Variants in NFXL1 observed in about 807,000 individuals in gnomAD.
NFXL1 encodes NF-X1-type zinc finger protein NFXL1.
NFXL1 carries 66 observed loss-of-function variants against 123.3 expected under a neutral mutation model. The observed-to-expected ratio is 0.54, with a 90% CI of 0.44 to 0.66. NFXL1 has a LOEUF of 0.66. Among genes scored for constraint, NFXL1 ranks in the 30% least tolerant of loss-of-function variants. NFXL1 has a pLI of 0.00. For missense variants in NFXL1, 944 were observed against 1,125.6 expected, an observed-to-expected ratio of 0.84 and a Z score of 2.31; for synonymous variants, 346 against 360.8, an observed-to-expected ratio of 0.96 and a Z score of 0.46.
At chr4:47,868,188 G>A (rs778617739) in intron 18 of NFXL1, among the ~76,000 whole-genome samples, 2 of 152,000 alleles carry the variant, frequency 1.3e-5, no homozygotes, top group African/African-American at 2.4e-5. Flanking sequence ...GCGTGGCGGC[G>A]GGCACCTGTA....
chr4:47,878,701 A>C lies in NFXL1; in HGVS notation c.1939-36T>G, dbSNP rs751980969. On this transcript the variant is annotated intron_variant, in intron 16 of 22. Coordinates refer to ENST00000507489, the MANE Select transcript of NFXL1 (RefSeq NM_001278624.2). ...AAAGGAAATCAGCACAGCACACATT[A>C]CTCAAACGTTTCTGGACATATTATA... The C allele has an allele frequency of 2.1e-6, 3 of 1,428,544 alleles. No homozygotes were observed. The African/African-American group carries it at 4.4e-5, about 21-fold the overall frequency. 88.5% of individuals were successfully genotyped at this position (1,428,544 alleles called of 1,614,324 possible). A position where few individuals can be genotyped will look rare whatever the true frequency, so the allele number is the denominator to read the frequency against.
chr4:47,903,283 G>C lies in NFXL1; in HGVS notation c.557C>G (p.Pro186Arg). ...GTCTTTAGCCCACTTCTGGATACAG[G>C]GCATGTGAAATATACAGAAACATCC... is the stretch of plus-strand genomic sequence containing the variant. ...CSGCFCIFHMPCIQKWAKDSQ... is the reference protein window; with the variant it reads ...CSGCFCIFHMRCIQKWAKDSQ... Residue 186 changes from proline (P) to arginine (R), a missense_variant, in exon 5 of 23, where the codon CCC becomes CGC. Pro to Arg is a moderately radical substitution (Grantham distance 103). Coordinates refer to ENST00000507489, the MANE Select transcript of NFXL1 (RefSeq NM_001278624.2). 6.3e-7 allele frequency: 1 copy of C among 1,592,672 alleles called. No individual in the cohort carries two copies.
chr4:47,889,767 C>T (rs1736657382), intron 12 of NFXL1, among the ~76,000 whole-genome samples: 1 of 152,072 alleles, frequency 6.6e-6, no homozygotes, highest in Non-Finnish European at 1.5e-5. Flanking sequence ...TAACTTATAA[C>T]ATAATTCTCA....
At chr4:47,856,142 A>G (rs62301163) in intron 19 of NFXL1, among the ~76,000 whole-genome samples, 52,578 of 151,934 alleles carry the variant, frequency 0.35, 10,259 homozygotes, top group Non-Finnish European at 0.44. Flanking sequence ...TCAAAGTCAG[A>G]CTACCTGGAA....
intron 22 of NFXL1, among the ~76,000 whole-genome samples, chr4:47,848,622 G>A (rs1023202087): frequency 6.6e-6 from 1 of 152,224 alleles, no homozygotes; most frequent in East Asian, 1.9e-4. Flanking sequence ...GGGCACGGTG[G>A]CTCACGCCTG....
intron 3 of NFXL1, among the ~76,000 whole-genome samples, chr4:47,908,934 GAC>G (rs1482258591): frequency 1.6e-5 from 2 of 125,858 alleles, no homozygotes; most frequent in Admixed American, 1.0e-4. Context: ...CAGCCTGGGC[GAC>G]AGAGTGAGAC....
intron 15 of NFXL1, 34 bp downstream of exon 15, chr4:47,884,307 TTTTTG>T (rs1736296024): frequency 7.9e-7 from 1 of 1,269,460 alleles, no homozygotes; most frequent in African/African-American, 1.5e-5. Flanking sequence ...TGTCAAAAGT[TTTTTG>T]TTTTTTTTTT....
intron 12 of NFXL1, among the ~76,000 whole-genome samples, chr4:47,889,969 T>C (rs1442113667): frequency 1.3e-5 from 2 of 152,316 alleles, no homozygotes; most frequent in South Asian, 4.1e-4. Flanking sequence ...TAAAATTTTC[T>C]ACTTTTTTCA....
intron 17 of NFXL1, among the ~76,000 whole-genome samples, chr4:47,875,638 T>C (rs1264463396): frequency 6.6e-6 from 1 of 152,102 alleles, no homozygotes; most frequent in African/African-American, 2.4e-5. Context: ...AAATAAAATA[T>C]ACAGAGTAAG....
rs1736943469 is a variant in NFXL1, at chr4:47,894,203, G to C, written c.1429C>G (p.Gln477Glu). The change falls in exon 11 of 23, where the codon CAG (glutamine) becomes GAG (glutamate). Residue 477 changes from glutamine to glutamate, a missense_variant. By Grantham distance (29) the Gln-to-Glu change is conservative. Coordinates refer to ENST00000507489, the MANE Select transcript of NFXL1 (RefSeq NM_001278624.2). ...ACCTTTCTTCTACATTGATGCTTCT[G>C]ACAGTCACGCATCTTAACACACTTA... ...ETKCVKMRDC[Q>E]KHQCRRKCCP... 5 of 1,603,934 alleles carry C rather than the reference G, an allele frequency of 3.1e-6. No individual in the cohort carries two copies. Among genetic ancestry groups the C allele is most frequent in the Non-Finnish European group, 4.3e-6 (5 of 1,174,776 alleles).
chr4:47,853,957 A>C (rs1167242510), intron 20 of NFXL1, among the ~76,000 whole-genome samples: 1 of 152,146 alleles, frequency 6.6e-6, no homozygotes, highest in African/African-American at 2.4e-5. Flanking sequence ...GAGTTGTTCC[A>C]AAGTACTAAC....
At chr4:47,894,428 T>C in intron 10 of NFXL1, 126 bp from the exon 11 acceptor site, 1 of 565,768 alleles carries the variant, frequency 1.8e-6, no homozygotes, top group Non-Finnish European at 2.8e-6. Flanking sequence ...ATAACAAACT[T>C]TACCAAAAAC....
chr4:47,870,527 T>C (rs960065074), intron 18 of NFXL1, among the ~76,000 whole-genome samples: 3 of 152,010 alleles, frequency 2.0e-5, no homozygotes, highest in Admixed American at 2.0e-4. Flanking sequence ...GGACTGGAGA[T>C]GTTAACCAAT....
chr4:47,894,926 G>A (rs1407584559), intron 10 of NFXL1, among the ~76,000 whole-genome samples: 1 of 152,102 alleles, frequency 6.6e-6, no homozygotes, highest in East Asian at 1.9e-4. Context: ...ACAGCCTTAG[G>A]AAATGTATTT....
Position 47,848,049 on chromosome 4 carries a change from TAC to T in NFXL1, c.*112_*113del, listed in dbSNP as rs1366458306. On this transcript the variant is annotated 3_prime_UTR_variant, in exon 23 of 23. Coordinates refer to ENST00000507489, the MANE Select transcript of NFXL1 (RefSeq NM_001278624.2). ...GTCCTTCTAACAACAGCTGAGAGAA[TAC>T]AGAGATGAATGTAAATATATATCAT... is the stretch of plus-strand genomic sequence containing the variant. 2 of 643,650 alleles carry T rather than the reference TAC, an allele frequency of 3.1e-6. No homozygotes were observed. The highest frequency in any genetic ancestry group is 1.8e-5 in the African/African-American group (1 of 54,652). 39.9% of individuals were successfully genotyped at this position (643,650 alleles called of 1,614,324 possible).
In NFXL1 at chr4:47,890,625, C is replaced by T; in HGVS notation, c.1531G>A (p.Val511Ile). Residue 511 changes from valine to isoleucine, a missense_variant, in exon 12 of 23, where the codon GTC becomes ATC. Coordinates refer to ENST00000507489, the MANE Select transcript of NFXL1 (RefSeq NM_001278624.2). ...LGCRNHKCPS[V>I]CHRGSCYPCP... ...TATTAAAGTTTACCTCTGTGACAGA[C>T]AGATGGACACTTATGGTTTCTACAT... is the stretch of plus-strand genomic sequence containing the variant. The T allele has an allele frequency of 6.3e-7, 1 of 1,589,922 alleles. No individual in the cohort carries two copies. Among genetic ancestry groups the T allele is most frequent in the African/African-American group, 1.3e-5 (1 of 74,490 alleles).
At position 47,896,583 on chromosome 4, in the gene NFXL1, T is replaced by C; in HGVS notation, c.1269A>G (p.Glu423=). The change falls in exon 10 of 23, where the codon GAA becomes GAG. Residue 423 remains glutamate (E), a synonymous_variant. Transcript: ENST00000507489. The part of the protein sequence containing the change: ...TCGDSCDKVL[E]CGIHRCSQRC... ...GCTGTGAACATCTATGGATTCCGCA[T>C]TCAAGTACTTTGTCACAACTGTCTC... The C allele has an allele frequency of 6.2e-7, 1 of 1,612,902 alleles. No individual in the cohort carries two copies. The highest frequency in any genetic ancestry group is 2.2e-5 in the East Asian group (1 of 44,848).
chr4:47,875,103 A>G, intron 18 of NFXL1, 24 bp downstream of exon 18: 1 of 1,504,940 alleles, frequency 6.6e-7, no homozygotes, highest in Non-Finnish European at 9.2e-7. Context: ...TAATAAAATA[A>G]GACTTTTTTT....
At position 47,898,113 on chromosome 4, in the gene NFXL1, G is replaced by T. The variant is rs1056021235; in HGVS notation, c.1090-32C>A. ...TAAAATGCAATAAACACTAATGAAG[G>T]ATTTAAAAGTTAACAAAAAAAGACT... On this transcript the variant is annotated intron_variant, in intron 8 of 22. Coordinates refer to ENST00000507489, the MANE Select transcript of NFXL1 (RefSeq NM_001278624.2). 4 of 1,360,528 alleles carry T rather than the reference G, an allele frequency of 2.9e-6. No individual in the cohort carries two copies. The African/African-American group carries it at 5.8e-5, about 20-fold the overall frequency. The allele number at this position is 1,360,528 out of a possible 1,614,324, so 84.3% of individuals were successfully genotyped here.
Sources: gnomAD v4.1 joint callset for allele counts (sites outside exome capture counted in the v4.1 genomes callset) on GRCh38, gnomAD v4.1.1 for gene constraint, MANE v1.5 for transcripts, NCBI Gene and HGNC (gene_info 2026-07-23, HGNC 2026-07-21) for gene names.